SNX13: variants seen among roughly 807,000 people sequenced by gnomAD.
SNX13 encodes the protein sorting nexin-13.
A neutral mutation model predicts 133.6 loss-of-function variants in SNX13; 45 were observed. The observed-to-expected ratio is 0.34, with a 90% confidence interval of 0.27 to 0.43. The LOEUF is 0.43. Among genes scored for constraint, SNX13 ranks in the 20% least tolerant of loss-of-function variants. SNX13 has a pLI of 1.00. For missense variants in SNX13, 1,032 were observed against 1,145.1 expected, an observed-to-expected ratio of 0.90 and a Z score of 1.43; for synonymous variants, 414 against 373.9, an observed-to-expected ratio of 1.11 and a Z score of -1.24.
chr7:17,836,596 T>A (rs1232221578), intron 13 of SNX13, among the ~76,000 whole-genome samples: 2 of 152,108 alleles, frequency 1.3e-5, no homozygotes, highest in Non-Finnish European at 2.9e-5. Flanking sequence ...TTCCCAAAAT[T>A]ATCTCTTAAT....
chr7:17,831,264 A>G, intron 15 of SNX13: 1 of 982,462 alleles, frequency 1.0e-6, no homozygotes, highest in Non-Finnish European at 1.2e-6. Context: ...ATATTAGAAA[A>G]CAAAAGAAAG....
At chr7:17,900,872 CAGA>C (rs1267926111) in intron 1 of SNX13, among the ~76,000 whole-genome samples, 12 of 152,084 alleles carry the variant, frequency 7.9e-5, no homozygotes, top group Non-Finnish European at 1.2e-4. Flanking sequence ...TTTTCTCAAA[CAGA>C]AGAAGTCCCC....
Position 17,821,555 on chromosome 7 carries a change from C to T in SNX13, c.1799G>A (p.Arg600His). ...GAAGTCATGGAAGTCACTATAACGACGATAGGTTTTCCACATCTCCTCACT... is the reference window on the plus strand; with the variant it reads ...GAAGTCATGGAAGTCACTATAACGATGATAGGTTTTCCACATCTCCTCACT... ...LNSEEMWKTY[R>H]RYSDFHDFHM... Residue 600 changes from arginine to histidine, a missense_variant, in exon 18 of 26, where the codon CGT becomes CAT. Physicochemically the swap from Arg to His is conservative, Grantham distance 29. Coordinates refer to ENST00000428135, the MANE Select transcript of SNX13 (RefSeq NM_015132.5). 6.2e-7 allele frequency: 1 copy of T among 1,613,532 alleles called. No homozygotes were observed. Among genetic ancestry groups the T allele is most frequent in the Non-Finnish European group, 8.5e-7 (1 of 1,179,656 alleles).
intron 1 of SNX13, among the ~76,000 whole-genome samples, chr7:17,922,517 T>TA (rs1800234521): frequency 6.6e-6 from 1 of 152,192 alleles, no homozygotes; most frequent in African/African-American, 2.4e-5. Flanking sequence ...AAAACAAAAA[T>TA]AGAGTAGAAC....
intron 21 of SNX13, 93 bp downstream of exon 21, chr7:17,803,326 G>A (rs1411088681): frequency 1.7e-6 from 2 of 1,191,094 alleles, no homozygotes; most frequent in East Asian, 2.6e-5. Context: ...AAGAAATAAG[G>A]TTAAGGGACT....
intron 4 of SNX13, 68 bp downstream of exon 4, chr7:17,891,478 G>T: frequency 8.9e-7 from 1 of 1,124,732 alleles, no homozygotes; most frequent in Non-Finnish European, 1.3e-6. Context: ...AGTATTTCCT[G>T]GTATCTTCAA....
At chr7:17,827,555 A>G (rs1038155049) in intron 16 of SNX13, among the ~76,000 whole-genome samples, 22 of 152,124 alleles carry the variant, frequency 1.4e-4, no homozygotes, top group Admixed American at 1.3e-3. Context: ...GCAAAATGTG[A>G]TAATTCTATA....
intron 5 of SNX13, chr7:17,882,596 A>T (rs1454335751): frequency 6.3e-6 from 1 of 158,246 alleles, no homozygotes; most frequent in Non-Finnish European, 1.4e-5. Flanking sequence ...AAGTAAATTA[A>T]CTCTAATTAG....
intron 1 of SNX13, among the ~76,000 whole-genome samples, chr7:17,902,932 T>C (rs1331170640): frequency 2.0e-5 from 3 of 152,152 alleles, no homozygotes; most frequent in Non-Finnish European, 2.9e-5. Flanking sequence ...CTTATGATAA[T>C]CTAACTAATG....
At chr7:17,833,190 T>G (rs1025395057) in intron 15 of SNX13, among the ~76,000 whole-genome samples, 1 of 151,612 alleles carries the variant, frequency 6.6e-6, no homozygotes, top group Non-Finnish European at 1.5e-5. Context: ...CTGAATTGAA[T>G]CACAAGTTAA....
chr7:17,904,122 T>C (rs1798137134), intron 1 of SNX13, among the ~76,000 whole-genome samples: 1 of 152,222 alleles, frequency 6.6e-6, no homozygotes, highest in Non-Finnish European at 1.5e-5. Flanking sequence ...TGATATTTTC[T>C]GCCTATCAAG....
At chr7:17,935,070 C>T (rs145870968) in intron 1 of SNX13, among the ~76,000 whole-genome samples, 55 of 152,248 alleles carry the variant, frequency 3.6e-4, no homozygotes, top group African/African-American at 1.2e-3. Flanking sequence ...ATCTGCACTC[C>T]CAGGTTCACA....
chr7:17,824,123 C>T (rs1306216503), intron 17 of SNX13, among the ~76,000 whole-genome samples: 1 of 151,896 alleles, frequency 6.6e-6, no homozygotes, highest in Non-Finnish European at 1.5e-5. Context: ...TTTTATTAGG[C>T]CAATGTTACT....
At chr7:17,913,760 C>CAAAAAAAAAAAAAAAAAAAAAAA (rs71010278) in intron 1 of SNX13, among the ~76,000 whole-genome samples, 8 of 54,098 alleles carry the variant, frequency 1.5e-4, no homozygotes, top group Middle Eastern at 0.017. Flanking sequence ...TTAACAAAAA[C>CAAAAAAAAAAAAAAAAAAAAAAA]AAAAAAAAAA....
rs1583580432 is a variant in SNX13, at chr7:17,875,661, GAT to G, written c.562+6_562+7del. ...AATCCTAGTTTTCAAATGGAATAAA[GAT>G]ATTACCTTTCACTTGATCATCTTTC... is the stretch of plus-strand genomic sequence containing the variant. On this transcript the variant is annotated splice_donor_region_variant and intron_variant, in intron 6 of 25. Coordinates refer to ENST00000428135, the MANE Select transcript of SNX13 (RefSeq NM_015132.5). 4.4e-6 allele frequency: 7 copies of G among 1,608,662 alleles called. No homozygotes were observed.
chr7:17,806,508 T>G (rs937132798), intron 20 of SNX13, among the ~76,000 whole-genome samples: 1 of 152,144 alleles, frequency 6.6e-6, no homozygotes, highest in Non-Finnish European at 1.5e-5. Context: ...ATTCTTAATA[T>G]GCATAAAAAT....
At position 17,821,550 on chromosome 7, in the gene SNX13, A is replaced by C. The variant is rs1787279092; in HGVS notation, c.1804T>G (p.Tyr602Asp). The C allele has an allele frequency of 6.2e-7, 1 of 1,613,470 alleles. No individual in the cohort carries two copies. Among genetic ancestry groups the C allele is most frequent in the Non-Finnish European group, 8.5e-7 (1 of 1,179,674 alleles). The change falls in exon 18 of 26, where the codon TAT (tyrosine) becomes GAT (aspartate). Residue 602 changes from tyrosine (Y) to aspartate (D), a missense_variant. Tyr to Asp is a radical substitution (Grantham distance 160). Coordinates refer to ENST00000428135, the MANE Select transcript of SNX13 (RefSeq NM_015132.5). ...ATGTGGAAGTCATGGAAGTCACTAT[A>C]ACGACGATAGGTTTTCCACATCTCC... ...SEEMWKTYRR[Y>D]SDFHDFHMRI...
At chr7:17,805,257 G>GCGCGCGCGCA (rs1562663371) in intron 20 of SNX13, among the ~76,000 whole-genome samples, 2 of 146,906 alleles carry the variant, frequency 1.4e-5, no homozygotes, top group African/African-American at 5.1e-5. Flanking sequence ...GTGTGCGTGC[G>GCGCGCGCGCA]CGCGCGCGCA....
intron 9 of SNX13, among the ~76,000 whole-genome samples, chr7:17,867,320 A>G (rs1793510307): frequency 6.6e-6 from 1 of 152,096 alleles, no homozygotes; most frequent in Non-Finnish European, 1.5e-5. Flanking sequence ...AAATAAAACA[A>G]CAGCAGCCAG....
Sources: allele counts gnomAD v4.1 joint callset (sites outside exome capture counted in the v4.1 genomes callset), GRCh38; gene constraint gnomAD v4.1.1; transcripts MANE v1.5; gene names NCBI Gene and HGNC (gene_info 2026-07-23, HGNC 2026-07-21).